The following EIPR1 variants were observed in gnomAD, a reference collection of about 807,000 sequenced individuals.
The protein encoded by EIPR1 is EARP complex and GARP complex interacting protein 1.
A neutral mutation model predicts 48.1 loss-of-function variants in EIPR1; 25 were observed. The observed-to-expected ratio is 0.52, with a 90% CI of 0.38 to 0.73. The LOEUF (loss-of-function observed/expected upper bound fraction) is 0.73. EIPR1 is among the 30% of genes least tolerant of loss of function. EIPR1 has a pLI of 0.00. For synonymous variants in EIPR1, 204 were observed against 201.9 expected (o/e 1.01, Z -0.09); for missense variants, 415 against 506.2 (o/e 0.82, Z 1.73).
chr2:3,358,511 C>T (rs931036131), intron 1 of EIPR1, among the ~76,000 whole-genome samples: 10 of 152,326 alleles, frequency 6.6e-5, no homozygotes, highest in African/African-American at 2.4e-4. Context: ...TTCAACTCTT[C>T]AAGATACATT....
At chr2:3,262,538 C>T (rs1440892091) in intron 3 of EIPR1, among the ~76,000 whole-genome samples, 4 of 152,218 alleles carry the variant, frequency 2.6e-5, no homozygotes, top group Non-Finnish European at 5.9e-5. Flanking sequence ...GCACGTAAGG[C>T]TGCCAGCTTA....
chr2:3,226,805 C>G (rs1162168826), intron 4 of EIPR1, among the ~76,000 whole-genome samples: 1 of 152,122 alleles, frequency 6.6e-6, no homozygotes, highest in Non-Finnish European at 1.5e-5. Flanking sequence ...CAGGTTTCTC[C>G]CATGCTGTTC....
At position 3,214,095 on chromosome 2, in the gene EIPR1, C is replaced by A. The variant is rs1449664615; in HGVS notation, c.516+54G>T. On this transcript the variant is annotated intron_variant, in intron 5 of 8. Coordinates refer to ENST00000382125, the MANE Select transcript of EIPR1 (RefSeq NM_003310.5). ...ATTCCCACCTATGAGTGAGAACATG[C>A]GGGGTTTGGTTTAAAAATACAGAAA... 3.9e-6 allele frequency: 6 copies of A among 1,521,162 alleles called. No individual in the cohort carries two copies. In the African/African-American group the frequency reaches 6.9e-5, roughly 17 times the overall value. 94.2% of individuals were successfully genotyped at this position (1,521,162 alleles called of 1,614,324 possible). A position where few individuals can be genotyped will look rare whatever the true frequency, so the allele number is the denominator to read the frequency against.
chr2:3,305,471 C>T (rs1028512112), intron 3 of EIPR1, among the ~76,000 whole-genome samples: 2 of 151,848 alleles, frequency 1.3e-5, no homozygotes, highest in Admixed American at 6.6e-5. Context: ...TCCAGTTCAA[C>T]CCTCCACTCC....
In EIPR1 at chr2:3,236,367, C is replaced by T. The variant is rs377288311; in HGVS notation, c.416+20932G>A. Among the ~76,000 whole-genome samples, 6 of 152,312 alleles carry T rather than the reference C, an allele frequency of 3.9e-5. No individual in the cohort carries two copies. In the South Asian group the frequency reaches 1.2e-3, roughly 32 times the overall value. On this transcript the variant is annotated intron_variant, in intron 4 of 8. Transcript: ENST00000382125. ...AATCCCAGTCCTCATCCTTGTCCCT[C>T]GCTGCCTGGCCCAGGGACATGAGCA...
intron 5 of EIPR1, among the ~76,000 whole-genome samples, chr2:3,207,036 T>C (rs1235943086): frequency 6.6e-6 from 1 of 152,178 alleles, no homozygotes; most frequent in Non-Finnish European, 1.5e-5. Flanking sequence ...GTCTTGCCTC[T>C]GCACGAGGGT....
chr2:3,351,601 G>A (rs927928494), intron 2 of EIPR1, among the ~76,000 whole-genome samples: 2 of 152,110 alleles, frequency 1.3e-5, no homozygotes, highest in Non-Finnish European at 2.9e-5. Context: ...TGAAACCACA[G>A]GCCATCTTCA....
intron 3 of EIPR1, among the ~76,000 whole-genome samples, chr2:3,318,398 C>T (rs1337849868): frequency 1.3e-5 from 2 of 152,196 alleles, no homozygotes; most frequent in East Asian, 3.8e-4. Flanking sequence ...TCTTATTTCA[C>T]ATCTTCATTA....
chr2:3,268,776 G>C (rs1264006791), intron 3 of EIPR1, among the ~76,000 whole-genome samples: 3 of 152,186 alleles, frequency 2.0e-5, no homozygotes, highest in Non-Finnish European at 4.4e-5. Flanking sequence ...GGCTCCCCTT[G>C]GCTCGGAGAG....
chr2:3,204,827 C>A (rs908367540), intron 5 of EIPR1, among the ~76,000 whole-genome samples: 2 of 152,142 alleles, frequency 1.3e-5, no homozygotes, highest in African/African-American at 4.8e-5. Flanking sequence ...CACAGCACTG[C>A]GCTCACAGCA....
chr2:3,322,263 A>G (rs1229807469), intron 3 of EIPR1, among the ~76,000 whole-genome samples: 1 of 152,188 alleles, frequency 6.6e-6, no homozygotes, highest in African/African-American at 2.4e-5. Flanking sequence ...ACCAGGACAC[A>G]CTGGCTGTGT....
chr2:3,305,149 GCCCTCCACTCCCGTCCAGTTCAA>G lies in EIPR1; in HGVS notation c.259+32845_259+32867del, dbSNP rs1459190215. On this transcript the variant is annotated intron_variant, in intron 3 of 8. Coordinates refer to ENST00000382125, the MANE Select transcript of EIPR1 (RefSeq NM_003310.5). ...TCAGCCCTCCAGTCCCATCAGTTCA[GCCCTCCACTCCCGTCCAGTTCAA>G]CCCTCCAATCCCATCCAGTTCAACC... Among the ~76,000 whole-genome samples, 300 of 98,194 alleles carry G rather than the reference GCCCTCCACTCCCGTCCAGTTCAA, an allele frequency of 3.1e-3. 2 individuals carry two copies. The highest frequency in any genetic ancestry group is 0.021 in the Middle Eastern group (2 of 96). The allele number at this position is 98,194 out of a possible 152,430, so 64.4% of individuals were successfully genotyped here. A position where few individuals can be genotyped will look rare whatever the true frequency, so the allele number is the denominator to read the frequency against.
intron 2 of EIPR1, among the ~76,000 whole-genome samples, chr2:3,350,075 G>A (rs945727291): frequency 5.0e-5 from 6 of 119,614 alleles, no homozygotes; most frequent in Admixed American, 3.5e-4. Context: ...CCGAGATCAC[G>A]CCACTGCACT....
intron 4 of EIPR1, among the ~76,000 whole-genome samples, chr2:3,233,967 G>A (rs1370033552): frequency 6.6e-6 from 1 of 152,212 alleles, no homozygotes; most frequent in Admixed American, 6.5e-5. Flanking sequence ...GCCAGGTCAG[G>A]CTTCTGAGCT....
chr2:3,237,550 T>TA, intron 4 of EIPR1, among the ~76,000 whole-genome samples: 1 of 152,320 alleles, frequency 6.6e-6, no homozygotes, highest in East Asian at 1.9e-4. Flanking sequence ...GGTTCCACAC[T>TA]ATCAGCCGTT....
At position 3,377,801 on chromosome 2, in the gene EIPR1, AG is replaced by A; in HGVS notation, c.-113del. 4 of 1,244,810 alleles carry A rather than the reference AG, an allele frequency of 3.2e-6. No homozygotes were observed. The highest frequency in any genetic ancestry group is 2.6e-5 in the East Asian group (1 of 38,512). 77.1% of individuals were successfully genotyped at this position (1,244,810 alleles called of 1,614,324 possible). A position where few individuals can be genotyped will look rare whatever the true frequency, so the allele number is the denominator to read the frequency against. On this transcript the variant is annotated 5_prime_UTR_variant, in exon 1 of 9. Coordinates refer to ENST00000382125, the MANE Select transcript of EIPR1 (RefSeq NM_003310.5). ...CAGCGCCCATTCATTCCCTCCCCGC[AG>A]CAAACGACTCCAAACTGGAAGTCTT...
intron 3 of EIPR1, among the ~76,000 whole-genome samples, chr2:3,334,767 A>C (rs1031894572): frequency 3.3e-5 from 5 of 152,236 alleles, no homozygotes; most frequent in Non-Finnish European, 7.3e-5. Context: ...GAACTTAGAC[A>C]TGAATGTTGT....
At chr2:3,345,944 T>C (rs1670387383) in intron 2 of EIPR1, among the ~76,000 whole-genome samples, 1 of 151,654 alleles carries the variant, frequency 6.6e-6, no homozygotes, top group African/African-American at 2.4e-5. Context: ...AGAAGTCCAG[T>C]GAAAACCACC....
chr2:3,252,462 G>T (rs1003619782), intron 4 of EIPR1, among the ~76,000 whole-genome samples: 3 of 152,130 alleles, frequency 2.0e-5, no homozygotes, highest in Non-Finnish European at 4.4e-5. Context: ...GTGGTGGTGG[G>T]TGCCTGTAAT....
Sources: gnomAD v4.1 joint callset for allele counts (sites outside exome capture counted in the v4.1 genomes callset) on GRCh38, gnomAD v4.1.1 for gene constraint, MANE v1.5 for transcripts, NCBI Gene and HGNC (gene_info 2026-07-23, HGNC 2026-07-21) for gene names.